Variants in CCDC7 observed in about 807,000 individuals in gnomAD.
The protein encoded by CCDC7 is coiled-coil domain-containing protein 7.
In CCDC7, 183 loss-of-function variants were observed where a neutral mutation model predicts 196.9. That is an observed-to-expected ratio of 0.93 (90% CI 0.82 to 1.05). The LOEUF (loss-of-function observed/expected upper bound fraction) is 1.05. Among genes scored for constraint, CCDC7 ranks in the 50% least tolerant of loss-of-function variants. The pLI is 0.00. For synonymous variants in CCDC7, 525 were observed against 484.6 expected (o/e 1.08, Z -1.10); for missense variants, 1,540 against 1,482.2 (o/e 1.04, Z -0.64).
chr10:32,793,019 A>G (rs2082967375), intron 29 of CCDC7, among the ~76,000 whole-genome samples: 1 of 152,254 alleles, frequency 6.6e-6, no homozygotes, highest in South Asian at 2.1e-4. Flanking sequence ...TAAATGGAAT[A>G]AATTCTTCAA....
intron 16 of CCDC7, among the ~76,000 whole-genome samples, chr10:32,576,022 G>A (rs1337993969): frequency 6.6e-6 from 1 of 152,124 alleles, no homozygotes; most frequent in African/African-American, 2.4e-5. Flanking sequence ...TCTGCCATAG[G>A]AAAGAGAAAG....
chr10:32,625,445 T>G (rs2063916517), intron 18 of CCDC7, among the ~76,000 whole-genome samples: 1 of 149,350 alleles, frequency 6.7e-6, no homozygotes, highest in Non-Finnish European at 1.5e-5. Context: ...TAAATTTTAT[T>G]TATTATTTAT....
intron 28 of CCDC7, among the ~76,000 whole-genome samples, chr10:32,732,587 C>CT (rs905087810): frequency 1.4e-4 from 22 of 151,798 alleles, no homozygotes; most frequent in Non-Finnish European, 2.8e-4. Context: ...GTTTCTAAAG[C>CT]TTTTTTTTAT....
chr10:32,646,006 A>G (rs573551484), intron 20 of CCDC7, among the ~76,000 whole-genome samples: 1 of 149,788 alleles, frequency 6.7e-6, no homozygotes, highest in African/African-American at 2.4e-5. Context: ...TTCATCTTTT[A>G]TATTTTTTAA....
At chr10:32,481,086 ATCT>A (rs1398067189) in intron 8 of CCDC7, among the ~76,000 whole-genome samples, 1 of 152,114 alleles carries the variant, frequency 6.6e-6, no homozygotes, top group African/African-American at 2.4e-5. Context: ...TTATATAATA[ATCT>A]TCTTTGTCTC....
intron 8 of CCDC7, among the ~76,000 whole-genome samples, chr10:32,488,469 C>G (rs972985199): frequency 2.0e-5 from 3 of 152,182 alleles, no homozygotes; most frequent in Non-Finnish European, 4.4e-5. Flanking sequence ...TCGGCTGATG[C>G]TCGTTGCGCT....
chr10:32,712,856 G>A (rs1328591137), intron 25 of CCDC7, among the ~76,000 whole-genome samples: 1 of 152,138 alleles, frequency 6.6e-6, no homozygotes, highest in African/African-American at 2.4e-5. Context: ...ACAGAGTTTA[G>A]GCACCTGAGG....
intron 37 of CCDC7, 110 bp from the exon 39 acceptor site, chr10:32,847,723 A>C (rs899610584): frequency 2.9e-6 from 2 of 696,116 alleles, no homozygotes; most frequent in African/African-American, 3.7e-5. Flanking sequence ...TCTAAAAAAA[A>C]AAAGGAAAAG....
chr10:32,620,262 T>G lies in CCDC7; in HGVS notation c.1802-13992T>G, dbSNP rs182922863. On this transcript the variant is annotated intron_variant, in intron 18 of 41. Coordinates refer to ENST00000639629, the Ensembl canonical transcript of CCDC7. ...AATTCTGTTATTGCATTTTAGGTTTTCTTGCATTGTTTTATTTTGGTGATC... is the reference window on the plus strand; with the variant it reads ...AATTCTGTTATTGCATTTTAGGTTTGCTTGCATTGTTTTATTTTGGTGATC... 2.4e-3 allele frequency among the ~76,000 whole-genome samples: 360 copies of G among 152,252 alleles called. 2 individuals are homozygous for G. The highest frequency in any genetic ancestry group is 8.2e-3 in the African/African-American group (342 of 41,546).
At chr10:32,674,921 C>T (rs2074670182) in intron 21 of CCDC7, among the ~76,000 whole-genome samples, 1 of 151,922 alleles carries the variant, frequency 6.6e-6, no homozygotes, top group Non-Finnish European at 1.5e-5. Flanking sequence ...ATACCGTTTG[C>T]ATGGGATATC....
chr10:32,487,498 C>T (rs2041355699), intron 8 of CCDC7, among the ~76,000 whole-genome samples: 1 of 152,250 alleles, frequency 6.6e-6, no homozygotes, highest in Admixed American at 6.5e-5. Flanking sequence ...CGAAGTCATT[C>T]TCCGTCCAGC....
chr10:32,862,523 G>A (rs935347051), intron 41 of CCDC7, among the ~76,000 whole-genome samples: 2 of 151,656 alleles, frequency 1.3e-5, no homozygotes, highest in East Asian at 2.0e-4. Flanking sequence ...AAACCTGCAC[G>A]TTCTGCACAT....
chr10:32,752,235 A>AGACAG (rs151293668), intron 28 of CCDC7, among the ~76,000 whole-genome samples: 8,038 of 152,186 alleles, frequency 0.053, 700 homozygotes, highest in African/African-American at 0.18. Flanking sequence ...TAGTATTTAT[A>AGACAG]GCCCTCTAAT....
chr10:32,828,052 C>T (rs977290180), intron 32 of CCDC7, among the ~76,000 whole-genome samples: 6 of 152,138 alleles, frequency 3.9e-5, no homozygotes, highest in Admixed American at 3.9e-4. Flanking sequence ...ATCCACAATC[C>T]CCCTTGTCTT....
intron 22 of CCDC7, among the ~76,000 whole-genome samples, chr10:32,688,749 A>G (rs2141201016): frequency 6.6e-6 from 1 of 152,368 alleles, no homozygotes; most frequent in South Asian, 2.1e-4. Flanking sequence ...AACTTGGTGC[A>G]TATGCATTTT....
At chr10:32,469,499 C>T (rs2037505772) in intron 5 of CCDC7, among the ~76,000 whole-genome samples, 2 of 152,176 alleles carry the variant, frequency 1.3e-5, no homozygotes, top group Admixed American at 6.5e-5. Flanking sequence ...GGGAAGGTGT[C>T]CATGAGGGTG....
At chr10:32,825,421 A>G (rs932396166) in intron 32 of CCDC7, among the ~76,000 whole-genome samples, 23 of 152,172 alleles carry the variant, frequency 1.5e-4, no homozygotes, top group African/African-American at 5.5e-4. Flanking sequence ...AAACGTGAAA[A>G]GACTAGACTG....
At chr10:32,643,199 A>G (rs1218006367) in intron 20 of CCDC7, among the ~76,000 whole-genome samples, 2 of 152,052 alleles carry the variant, frequency 1.3e-5, no homozygotes, top group Non-Finnish European at 2.9e-5. Context: ...TTATTGGTGC[A>G]TATGTATAAA....
chr10:32,570,849 G>C (rs192893409), intron 15 of CCDC7, among the ~76,000 whole-genome samples: 2 of 152,124 alleles, frequency 1.3e-5, no homozygotes, highest in East Asian at 3.9e-4. Context: ...AGGGGAATAA[G>C]GATAAAACCA....
Sources: allele counts gnomAD v4.1 joint callset (sites outside exome capture counted in the v4.1 genomes callset), GRCh38; gene constraint gnomAD v4.1.1; transcripts MANE v1.5; gene names NCBI Gene and HGNC (gene_info 2026-07-23, HGNC 2026-07-21).